Variants in PTPRD observed in about 807,000 individuals in gnomAD.
PTPRD encodes the protein protein tyrosine phosphatase receptor type D, also known as receptor-type tyrosine-protein phosphatase delta.
PTPRD carries 34 observed loss-of-function variants against 214.5 expected under a neutral mutation model. The observed-to-expected ratio is 0.16, with a 90% CI of 0.12 to 0.21. The LOEUF is 0.21. Among genes scored for constraint, PTPRD ranks in the 10% least tolerant of loss-of-function variants. The pLI is 1.00. For missense variants in PTPRD, 2,545 were observed against 2,398.7 expected (o/e 1.06, Z -1.27); for synonymous variants, 1,128 against 845.7 (o/e 1.33, Z -5.79).
chr9:8,863,634 A>G (rs989928503), intron 11 of PTPRD, among the ~76,000 whole-genome samples: 2 of 152,194 alleles, frequency 1.3e-5, no homozygotes, highest in Non-Finnish European at 2.9e-5. Context: ...TCTATTTAGT[A>G]TAAACATTTT....
chr9:10,469,034 AT>A (rs1157394900), intron 2 of PTPRD, among the ~76,000 whole-genome samples: 2 of 152,284 alleles, frequency 1.3e-5, no homozygotes, highest in East Asian at 3.9e-4. Context: ...AACACACTTA[AT>A]GCTGAAATTA....
At chr9:9,940,541 T>G (rs2091165509) in intron 4 of PTPRD, among the ~76,000 whole-genome samples, 1 of 152,172 alleles carries the variant, frequency 6.6e-6, no homozygotes, top group African/African-American at 2.4e-5. Context: ...ACCGATAACT[T>G]TTATAAATCT....
intron 9 of PTPRD, among the ~76,000 whole-genome samples, chr9:9,209,909 T>A (rs10977580): frequency 6.6e-6 from 1 of 152,022 alleles, no homozygotes; most frequent in Non-Finnish European, 1.5e-5. Context: ...GAGCAAGCAG[T>A]ATGAGCTTTA....
At chr9:10,291,444 G>C (rs1432901899) in intron 3 of PTPRD, among the ~76,000 whole-genome samples, 1 of 152,232 alleles carries the variant, frequency 6.6e-6, no homozygotes, top group African/African-American at 2.4e-5. Flanking sequence ...ATGGGAAGAT[G>C]AGCGGAGATT....
intron 4 of PTPRD, among the ~76,000 whole-genome samples, chr9:9,981,414 G>A (rs1478498810): frequency 2.7e-5 from 4 of 149,456 alleles, no homozygotes; most frequent in Admixed American, 6.7e-5. Context: ...GAGTGCAGTG[G>A]CACGATCTCG....
chr9:9,069,957 G>A (rs1278250868), intron 10 of PTPRD, among the ~76,000 whole-genome samples: 1 of 152,116 alleles, frequency 6.6e-6, no homozygotes, highest in Non-Finnish European at 1.5e-5. Flanking sequence ...AAGAAAAAAA[G>A]GCTTTCTCCT....
intron 11 of PTPRD, among the ~76,000 whole-genome samples, chr9:8,768,222 C>A (rs1389102924): frequency 1.3e-5 from 2 of 152,032 alleles, no homozygotes. Context: ...TAGTGAGACC[C>A]CCATCTTGAT....
At position 8,575,115 on chromosome 9, in the gene PTPRD, G is replaced by A. The variant is rs545231381; in HGVS notation, c.353-46336C>T. 4.6e-5 allele frequency among the ~76,000 whole-genome samples: 7 copies of A among 152,160 alleles called. No homozygotes were observed. The South Asian group carries it at 1.5e-3, about 32-fold the overall frequency. On this transcript the variant is annotated intron_variant, in intron 14 of 45. Transcript: ENST00000381196. ...AATAGCTGTTCAAGTAGTTCAGGCT[G>A]CAAACAAGTACAAGACTTCTGACCT...
intron 5 of PTPRD, among the ~76,000 whole-genome samples, chr9:9,838,003 G>C (rs148527745): frequency 6.6e-6 from 1 of 152,050 alleles, no homozygotes; most frequent in Non-Finnish European, 1.5e-5. Flanking sequence ...CCACCAATGA[G>C]TGAGAACACA....
chr9:8,622,918 C>A (rs958173409), intron 14 of PTPRD, among the ~76,000 whole-genome samples: 2 of 151,504 alleles, frequency 1.3e-5, no homozygotes, highest in Admixed American at 6.6e-5. Flanking sequence ...GTGGGAGGAT[C>A]GCTTAAGCCA....
intron 5 of PTPRD, among the ~76,000 whole-genome samples, chr9:9,797,548 G>T (rs1166880581): frequency 5.3e-5 from 8 of 151,952 alleles, no homozygotes; most frequent in Admixed American, 4.6e-4. Context: ...TTGACGAAAA[G>T]GATCGTCTTC....
At chr9:10,284,900 G>T (rs889917276) in intron 3 of PTPRD, among the ~76,000 whole-genome samples, 9 of 152,274 alleles carry the variant, frequency 5.9e-5, no homozygotes, top group African/African-American at 2.2e-4. Flanking sequence ...ATTCATCTTA[G>T]AATTCTGCAT....
intron 14 of PTPRD, among the ~76,000 whole-genome samples, chr9:8,542,111 A>C (rs1323714817): frequency 6.6e-6 from 1 of 152,216 alleles, no homozygotes; most frequent in Non-Finnish European, 1.5e-5. Flanking sequence ...GGTTTCAGGC[A>C]AAACCTGAGG....
intron 8 of PTPRD, among the ~76,000 whole-genome samples, chr9:9,529,611 G>C (rs1019263254): frequency 6.6e-6 from 1 of 152,046 alleles, no homozygotes; most frequent in Middle Eastern, 3.4e-3. Flanking sequence ...CATTAAAACA[G>C]CTAAAATTAA....
rs188583200 is a variant in PTPRD at position 8,587,042 on chromosome 9, C to T, written c.352+46275G>A. On this transcript the variant is annotated intron_variant, in intron 14 of 45. Coordinates refer to ENST00000381196, the MANE Select transcript of PTPRD (RefSeq NM_002839.4). ...GCGGGTGCCTGTAGTCCCAGCTACT[C>T]GGGAGGCTGAGGCAGGAGAATGGTG... 5.9e-4 allele frequency among the ~76,000 whole-genome samples: 90 copies of T among 151,846 alleles called. 1 individual carries two copies. Among genetic ancestry groups the T allele is most frequent in the African/African-American group, 2.1e-3 (86 of 41,320 alleles).
intron 8 of PTPRD, among the ~76,000 whole-genome samples, chr9:9,487,678 A>G (rs917622640): frequency 2.6e-5 from 4 of 152,210 alleles, no homozygotes; most frequent in Middle Eastern, 3.2e-3. Flanking sequence ...TAGAAACATG[A>G]TAATTAAAAT....
At chr9:9,499,702 T>C (rs1344270620) in intron 8 of PTPRD, among the ~76,000 whole-genome samples, 1 of 152,038 alleles carries the variant, frequency 6.6e-6, no homozygotes, top group East Asian at 1.9e-4. Context: ...ACCTACTTTA[T>C]TCAATAATGC....
intron 3 of PTPRD, among the ~76,000 whole-genome samples, chr9:10,040,808 A>G (rs1040681220): frequency 1.3e-5 from 2 of 152,102 alleles, no homozygotes; most frequent in African/African-American, 4.8e-5. Context: ...AAGGTACTTT[A>G]TCAAATTGAA....
intron 14 of PTPRD, among the ~76,000 whole-genome samples, chr9:8,619,928 G>C (rs1001221803): frequency 6.6e-6 from 1 of 151,920 alleles, no homozygotes; most frequent in African/African-American, 2.4e-5. Context: ...AGAAAATCTG[G>C]TAATCACCAC....
Sources: gnomAD v4.1 joint callset for allele counts (sites outside exome capture counted in the v4.1 genomes callset) on GRCh38, gnomAD v4.1.1 for gene constraint, MANE v1.5 for transcripts, NCBI Gene and HGNC (gene_info 2026-07-23, HGNC 2026-07-21) for gene names.